CPAMD8: variants seen among roughly 807,000 people sequenced by gnomAD.
The protein encoded by CPAMD8 is C3 and PZP-like alpha-2-macroglobulin domain-containing protein 8.
In CPAMD8, 146 loss-of-function variants were observed where a neutral mutation model predicts 224.7. That is an observed-to-expected ratio of 0.65 (90% CI 0.57 to 0.75). CPAMD8 has a LOEUF of 0.75. Among genes scored for constraint, CPAMD8 ranks in the 30% least tolerant of loss-of-function variants. The pLI is 0.00. For missense variants in CPAMD8, 2,301 were observed against 2,537.5 expected (o/e 0.91, Z 2.00); for synonymous variants, 966 against 1,044.6 (o/e 0.92, Z 1.45).
chr19:16,921,218 C>T (rs1485667154), intron 27 of CPAMD8, among the ~76,000 whole-genome samples: 1 of 152,138 alleles, frequency 6.6e-6, no homozygotes, highest in Non-Finnish European at 1.5e-5. Context: ...GGCACTGTGA[C>T]TGTGCAGTGG....
intron 29 of CPAMD8, among the ~76,000 whole-genome samples, chr19:16,909,043 C>A (rs1004968766): frequency 2.0e-5 from 3 of 152,180 alleles, no homozygotes; most frequent in African/African-American, 7.2e-5. Flanking sequence ...TCCAAGGGGT[C>A]AAGGTCATTT....
Position 16,947,172 on chromosome 19 carries a change from T to C in CPAMD8, c.2564A>G (p.Lys855Arg). Reference protein sequence around the residue: ...KGIQFVGHPGKRHVTKKMCVA... With the variant: ...KGIQFVGHPGRRHVTKKMCVA... ...ACACATCTTCTTGGTCACATGGCGT[T>C]TGCCAGGATGCCCAACAAACTGGAT... is the stretch of plus-strand genomic sequence containing the variant. Residue 855 changes from lysine to arginine, a missense_variant, in exon 21 of 42, where the codon AAA (lysine) becomes AGA (arginine). Lys to Arg is a conservative substitution (Grantham distance 26). Transcript: ENST00000443236. 2.5e-6 allele frequency: 4 copies of C among 1,613,864 alleles called. No homozygotes were observed. Among genetic ancestry groups the C allele is most frequent in the Non-Finnish European group, 3.4e-6 (4 of 1,179,856 alleles).
chr19:16,909,194 T>C (rs2052632339), intron 29 of CPAMD8, among the ~76,000 whole-genome samples: 2 of 152,152 alleles, frequency 1.3e-5, no homozygotes, highest in Admixed American at 1.3e-4. Flanking sequence ...TTAAGAGTCT[T>C]GAGATGAGAT....
Position 16,952,714 on chromosome 19 carries a change from GACAAAAAA to G in CPAMD8, c.2277-522_2277-515del, listed in dbSNP as rs546459488. On this transcript the variant is annotated intron_variant, in intron 19 of 41. Coordinates refer to ENST00000443236, the MANE Select transcript of CPAMD8 (RefSeq NM_015692.5). Reference sequence around the variant, plus strand: ...AATATTATTGAAAGAAACTAAAAAAGACAAAAAAAGACATAAATAAATGAAAACATTTC... The same window carrying G: ...AATATTATTGAAAGAAACTAAAAAAGAGACATAAATAAATGAAAACATTTC... Among the ~76,000 whole-genome samples, 812 of 151,900 alleles carry G rather than the reference GACAAAAAA, an allele frequency of 5.3e-3. 5 individuals carry two copies. Among genetic ancestry groups the G allele is most frequent in the African/African-American group, 0.019 (775 of 41,456 alleles).
At chr19:17,008,630 A>G in intron 6 of CPAMD8, 71 bp from the exon 7 acceptor site, 14 of 1,511,918 alleles carry the variant, frequency 9.3e-6, no homozygotes, top group Admixed American at 1.7e-5. Flanking sequence ...CAATGTAAGG[A>G]TTTTCCCAGT....
At chr19:16,955,933 T>C (rs762371813) in intron 19 of CPAMD8, among the ~76,000 whole-genome samples, 1 of 152,138 alleles carries the variant, frequency 6.6e-6, no homozygotes, top group Non-Finnish European at 1.5e-5. Flanking sequence ...TGCCTCAGCC[T>C]CTCAAAGTGC....
chr19:16,896,570 T>G lies in CPAMD8; in HGVS notation c.5161A>C (p.Asn1721His). 3 of 1,509,238 alleles carry G rather than the reference T, an allele frequency of 2.0e-6. No homozygotes were observed. In the East Asian group the frequency reaches 7.8e-5, roughly 39 times the overall value. The allele number at this position is 1,509,238 out of a possible 1,614,324, so 93.5% of individuals were successfully genotyped here. The change falls in exon 40 of 42, where the codon AAC becomes CAC. Residue 1721 changes from asparagine (N) to histidine (H), a missense_variant. Transcript: ENST00000443236. ...GCDHDCGAQG[N>H]PVCGSDGVVY... ...ACCCCGTCGGAGCCGCACACCGGGT[T>G]CCCCTGGGCGCCGCAGTCGTGGTCG... is the stretch of plus-strand genomic sequence containing the variant.
Position 16,989,636 on chromosome 19 carries a change from A to T in CPAMD8, c.1395+7T>A, listed in dbSNP as rs774092271. 1 of 1,612,498 alleles carries T rather than the reference A, an allele frequency of 6.2e-7. No individual in the cohort carries two copies. The highest frequency in any genetic ancestry group is 1.3e-5 in the African/African-American group (1 of 74,850). ...GGCCCAGGAAGGGTAGCTCCTGAAA[A>T]TCTTACCTGCAGTGGGTGGGAGGGT... On this transcript the variant is annotated splice_region_variant and intron_variant, in intron 13 of 41. Coordinates refer to ENST00000443236, the MANE Select transcript of CPAMD8 (RefSeq NM_015692.5).
intron 13 of CPAMD8, among the ~76,000 whole-genome samples, chr19:16,987,482 T>A (rs1217427511): frequency 1.3e-5 from 2 of 151,912 alleles, no homozygotes; most frequent in Non-Finnish European, 2.9e-5. Flanking sequence ...TTTTCTCTTC[T>A]TTATGATTTT....
At chr19:16,962,547 A>T (rs1379915748) in intron 18 of CPAMD8, among the ~76,000 whole-genome samples, 1 of 152,256 alleles carries the variant, frequency 6.6e-6, no homozygotes, top group Admixed American at 6.5e-5. Flanking sequence ...CTATGTGAAA[A>T]GACCAAATCT....
chr19:17,022,755 T>C (rs2056992010), intron 1 of CPAMD8, among the ~76,000 whole-genome samples: 1 of 152,058 alleles, frequency 6.6e-6, no homozygotes, highest in Non-Finnish European at 1.5e-5. Context: ...CTCCTCAGCC[T>C]CCCAAAGTTC....
chr19:16,896,848 G>A (rs2052020801), intron 39 of CPAMD8, 183 bp from the exon 40 acceptor site: 1 of 417,380 alleles, frequency 2.4e-6, no homozygotes. Flanking sequence ...GCAGGTATTT[G>A]CCTAATACTT....
intron 41 of CPAMD8, chr19:16,894,925 C>CAT (rs1274960825): frequency 1.3e-5 from 2 of 157,544 alleles, no homozygotes; most frequent in Non-Finnish European, 2.7e-5. Flanking sequence ...CTCTACAACA[C>CAT]ACACACACAC....
At position 16,925,291 on chromosome 19, in the gene CPAMD8, T is replaced by C. The variant is rs1040488511; in HGVS notation, c.3452A>G (p.His1151Arg). Residue 1151 changes from histidine (H) to arginine (R), a missense_variant, in exon 26 of 42, where the codon CAC becomes CGC. Physicochemically the swap from His to Arg is conservative, Grantham distance 29. Transcript: ENST00000443236. ...PFGCGEQNMIHFAPNVFVLKY... is the reference protein window; with the variant it reads ...PFGCGEQNMIRFAPNVFVLKY... ...CAAGACAAAGACGTTGGGTGCAAAG[T>C]GGATCATGTTCTGCTCTCCACAGCC... The C allele has an allele frequency of 3.7e-6, 6 of 1,614,246 alleles. No homozygotes were observed. The highest frequency in any genetic ancestry group is 5.1e-6 in the Non-Finnish European group (6 of 1,180,044).
intron 41 of CPAMD8, chr19:16,893,593 A>C (rs1005051344): frequency 1.2e-5 from 5 of 413,750 alleles, no homozygotes; most frequent in African/African-American, 9.9e-5. Context: ...AGCAGGTGCC[A>C]GGGGTCACAA....
Position 16,954,384 on chromosome 19 carries a change from G to A in CPAMD8, c.2277-2184C>T, listed in dbSNP as rs1168024286. Among the ~76,000 whole-genome samples the A allele has an allele frequency of 5.9e-5, 9 of 151,938 alleles. No homozygotes were observed. In the East Asian group the frequency reaches 1.4e-3, roughly 23 times the overall value. ...AAAAGAGAACAGCAAGTGTTTCTGA[G>A]GATGTGGTAAGATTGGAACCCTGGT... On this transcript the variant is annotated intron_variant, in intron 19 of 41. Transcript: ENST00000443236.
intron 10 of CPAMD8, 199 bp downstream of exon 10, chr19:17,000,215 G>A: frequency 2.2e-6 from 1 of 452,782 alleles, no homozygotes; most frequent in Non-Finnish European, 3.9e-6. Context: ...GCACTTTTGG[G>A]GGCAAAGGCG....
intron 41 of CPAMD8, chr19:16,895,218 T>C (rs1225928948): frequency 6.6e-6 from 1 of 152,664 alleles, no homozygotes; most frequent in Non-Finnish European, 1.5e-5. Context: ...AAGACCAGCC[T>C]GGCCAACATG....
intron 14 of CPAMD8, among the ~76,000 whole-genome samples, chr19:16,979,131 T>C (rs2055394019): frequency 6.6e-6 from 1 of 150,678 alleles, no homozygotes; most frequent in Admixed American, 6.6e-5. Flanking sequence ...CAACCATCCA[T>C]CTATTCATCC....
Sources: allele counts gnomAD v4.1 joint callset (sites outside exome capture counted in the v4.1 genomes callset), GRCh38; gene constraint gnomAD v4.1.1; transcripts MANE v1.5; gene names NCBI Gene and HGNC (gene_info 2026-07-23, HGNC 2026-07-21).